The following SNX1 variants were observed in gnomAD, a reference collection of about 807,000 sequenced individuals.
The protein encoded by SNX1 is sorting nexin 1, also known as sorting nexin-1.
Under a neutral mutation model 71.8 loss-of-function variants are expected in SNX1, and 36 were observed. The observed-to-expected ratio is 0.50, with a 90% confidence interval of 0.38 to 0.66. The LOEUF is 0.66. Ranked by LOEUF, SNX1 falls within the 30% of genes least tolerant of loss-of-function variation. SNX1 has a pLI of 0.00. For missense variants in SNX1, 612 were observed against 646.7 expected (o/e 0.95, Z 0.58); for synonymous variants, 254 against 240.7 (o/e 1.06, Z -0.51).
chr15:64,109,575 T>C (rs1223902583), intron 1 of SNX1, among the ~76,000 whole-genome samples: 1 of 151,954 alleles, frequency 6.6e-6, no homozygotes. Flanking sequence ...AGTGGCTCGA[T>C]AGCTCACTGC....
chr15:64,136,749 T>A, intron 13 of SNX1, 112 bp from the exon 14 acceptor site: 1 of 746,276 alleles, frequency 1.3e-6, no homozygotes, highest in Non-Finnish European at 2.3e-6. Flanking sequence ...CTGTTCCACC[T>A]GCTGCCTCTA....
intron 1 of SNX1, among the ~76,000 whole-genome samples, chr15:64,107,109 A>G (rs540126868): frequency 1.6e-4 from 24 of 152,186 alleles, no homozygotes; most frequent in African/African-American, 5.3e-4. Context: ...TTTACTCCTA[A>G]TTGTCCTTGT....
chr15:64,103,979 GT>G (rs2080991141), intron 1 of SNX1, among the ~76,000 whole-genome samples: 1 of 152,154 alleles, frequency 6.6e-6, no homozygotes, highest in African/African-American at 2.4e-5. Context: ...TCAAACACTT[GT>G]TTTTGGAGTT....
At chr15:64,108,527 A>G (rs949242791) in intron 1 of SNX1, among the ~76,000 whole-genome samples, 12 of 152,172 alleles carry the variant, frequency 7.9e-5, no homozygotes, top group Admixed American at 2.0e-4. Flanking sequence ...ACGTGAGTCC[A>G]TTTCTTCTTT....
intron 1 of SNX1, among the ~76,000 whole-genome samples, chr15:64,109,115 A>G (rs1250927670): frequency 6.6e-6 from 1 of 152,164 alleles, no homozygotes; most frequent in African/African-American, 2.4e-5. Context: ...TCATGTCTGT[A>G]ATCCCAGCAC....
At position 64,134,229 on chromosome 15, in the gene SNX1, G is replaced by C. The variant is rs2081334716; in HGVS notation, c.1222-435G>C. 1 of 155,954 alleles carries C rather than the reference G, an allele frequency of 6.4e-6. No individual in the cohort carries two copies. Among genetic ancestry groups the C allele is most frequent in the Non-Finnish European group, 1.4e-5 (1 of 70,552 alleles). 9.7% of individuals were successfully genotyped at this position (155,954 alleles called of 1,614,324 possible). A position where few individuals can be genotyped will look rare whatever the true frequency, so the allele number is the denominator to read the frequency against. ...ATCTATTTGTAATTGTAAATGTAAT[G>C]TTGGCCTTTTCCATTAGATGACAAG... is the stretch of plus-strand genomic sequence containing the variant. On this transcript the variant is annotated intron_variant, in intron 11 of 14. Coordinates refer to ENST00000559844, the MANE Select transcript of SNX1 (RefSeq NM_003099.5). This position sits in a 1 kb window ranked among gnomAD's most constrained non-coding sequence, Gnocchi z 4.1.
intron 1 of SNX1, among the ~76,000 whole-genome samples, chr15:64,106,480 G>C (rs528112781): frequency 1.3e-5 from 2 of 152,314 alleles, no homozygotes; most frequent in South Asian, 4.1e-4. Context: ...GTCTGCTGTA[G>C]GCTGAATAAT....
rs1201041067 is a variant in SNX1 at position 64,138,929 on chromosome 15, T to TG, written c.*1317dup. 4 of 152,182 alleles carry TG rather than the reference T, an allele frequency of 2.6e-5. No individual in the cohort carries two copies. The East Asian group carries it at 5.8e-4, about 22-fold the overall frequency. 9.4% of individuals were successfully genotyped at this position (152,182 alleles called of 1,614,324 possible). A position where few individuals can be genotyped will look rare whatever the true frequency, so the allele number is the denominator to read the frequency against. Reference sequence around the variant, plus strand: ...GTCCTGCTGTATCAGTTCTCTTTGGTGGGGGGCTAAGGTTTGGGGCGAGGC... The same window carrying TG: ...GTCCTGCTGTATCAGTTCTCTTTGGTGGGGGGGCTAAGGTTTGGGGCGAGGC... On this transcript the variant is annotated 3_prime_UTR_variant, in exon 15 of 15. Transcript: ENST00000559844.
chr15:64,128,737 C>A (rs1297784993), intron 8 of SNX1, among the ~76,000 whole-genome samples: 1 of 152,154 alleles, frequency 6.6e-6, no homozygotes, highest in Non-Finnish European at 1.5e-5. Flanking sequence ...TTACTCCATA[C>A]CCCTAAGCAG....
chr15:64,121,686 C>T (rs2081198359), intron 4 of SNX1, among the ~76,000 whole-genome samples: 1 of 152,230 alleles, frequency 6.6e-6, no homozygotes, highest in Non-Finnish European at 1.5e-5. Context: ...GTAATTTAAA[C>T]AGCCCATGGA....
At chr15:64,130,366 C>A in intron 10 of SNX1, 45 bp downstream of exon 10, 1 of 1,482,870 alleles carries the variant, frequency 6.7e-7, no homozygotes, top group Non-Finnish European at 9.4e-7. Context: ...AAATTGTTGT[C>A]TCTAGTGAAC....
In SNX1 at chr15:64,127,177, T is replaced by C. The variant is rs774219147; in HGVS notation, c.656T>C (p.Met219Thr). The change falls in exon 7 of 15, where the codon ATG becomes ACG. Residue 219 changes from methionine (M) to threonine (T), a missense_variant. Coordinates refer to ENST00000559844, the MANE Select transcript of SNX1 (RefSeq NM_003099.5). The stretch of plus-strand genomic sequence containing the variant: ...TGCTTTTTAAATTCCATTCTAGGGA[T>C]GACAAAAGTGAAAGTTGGGAAGGAA... ...PPPPEKSLIG[M>T]TKVKVGKEDS... 3.1e-6 allele frequency: 5 copies of C among 1,611,042 alleles called. No homozygotes were observed. The highest frequency in any genetic ancestry group is 4.2e-6 in the Non-Finnish European group (5 of 1,177,878).
At chr15:64,100,460 C>T (rs1379609923) in intron 1 of SNX1, among the ~76,000 whole-genome samples, 2 of 151,902 alleles carry the variant, frequency 1.3e-5, no homozygotes, top group Non-Finnish European at 2.9e-5. Flanking sequence ...ATTAGCCGGG[C>T]GTGGTGGCAC....
intron 11 of SNX1, among the ~76,000 whole-genome samples, chr15:64,133,287 G>T (rs1264841719): frequency 6.6e-6 from 1 of 152,258 alleles, no homozygotes; most frequent in Admixed American, 6.5e-5. Context: ...TCAGATAAGA[G>T]GTTGCCCTTT....
At chr15:64,109,892 T>G (rs1567319864) in intron 1 of SNX1, among the ~76,000 whole-genome samples, 1 of 152,180 alleles carries the variant, frequency 6.6e-6, no homozygotes, top group East Asian at 1.9e-4. Context: ...TCTTACACAC[T>G]TCTGGGGGAA....
chr15:64,136,764 C>G, intron 13 of SNX1, 97 bp from the exon 14 acceptor site: 1 of 870,512 alleles, frequency 1.1e-6, no homozygotes, highest in South Asian at 1.5e-5. Context: ...CCTCTACTTT[C>G]TGAGACTGTG....
intron 1 of SNX1, among the ~76,000 whole-genome samples, chr15:64,096,832 G>C (rs910568426): frequency 1.3e-5 from 2 of 152,232 alleles, no homozygotes; most frequent in African/African-American, 4.8e-5. Flanking sequence ...GAGCAAATCT[G>C]AAATGTGATG....
At chr15:64,135,365 G>A (rs2081348255) in intron 12 of SNX1, among the ~76,000 whole-genome samples, 1 of 150,456 alleles carries the variant, frequency 6.6e-6, no homozygotes, top group Non-Finnish European at 1.5e-5. Flanking sequence ...CTCCCAAAGT[G>A]CTGGGATTAC....
chr15:64,134,792 G>A lies in SNX1; in HGVS notation c.1350G>A (p.Lys450=). 1.9e-6 allele frequency: 3 copies of A among 1,613,962 alleles called. No homozygotes were observed. The highest frequency in any genetic ancestry group is 2.5e-6 in the Non-Finnish European group (3 of 1,180,028). Residue 450 remains lysine (K), a synonymous_variant, in exon 12 of 15, where the codon AAG becomes AAA. Transcript: ENST00000559844. This position sits in a 1 kb window ranked among gnomAD's most constrained non-coding sequence, Gnocchi z 4.1. The part of the protein sequence containing the change: ...ANKPDKLQQA[K]DEILEWESRV... ...AGCCTGATAAGCTGCAGCAGGCCAA[G>A]GACGAGATCCTCGAGGTGAGTCCAC...
Sources: allele counts gnomAD v4.1 joint callset (sites outside exome capture counted in the v4.1 genomes callset), GRCh38; gene constraint gnomAD v4.1.1; non-coding constraint Gnocchi (gnomAD v3.1); transcripts MANE v1.5; gene names NCBI Gene and HGNC (gene_info 2026-07-23, HGNC 2026-07-21).